The following FBXW11 variants were observed in gnomAD, a reference collection of about 807,000 sequenced individuals.
The protein encoded by FBXW11 is F-box/WD repeat-containing protein 11.
In FBXW11, 19 loss-of-function variants were observed where a neutral mutation model predicts 77.6. The observed-to-expected ratio is 0.24, with a 90% CI of 0.17 to 0.36. The LOEUF is 0.36. Among genes scored for constraint, FBXW11 ranks in the 10% least tolerant of loss-of-function variants. The pLI is 1.00. For synonymous variants in FBXW11, 235 were observed against 249.4 expected, an observed-to-expected ratio of 0.94 and a Z score of 0.54; for missense variants, 334 against 704.2, an observed-to-expected ratio of 0.47 and a Z score of 5.95.
intron 2 of FBXW11, among the ~76,000 whole-genome samples, chr5:171,943,856 T>C (rs1762869476): frequency 6.6e-6 from 1 of 152,220 alleles, no homozygotes; most frequent in South Asian, 2.1e-4. Context: ...AGCATGCTAC[T>C]AAATTATACA....
intron 2 of FBXW11, among the ~76,000 whole-genome samples, chr5:171,953,128 T>C (rs1287644826): frequency 6.6e-6 from 1 of 152,108 alleles, no homozygotes; most frequent in Non-Finnish European, 1.5e-5. Context: ...TGCCACCATG[T>C]CCACCTAATT....
Position 171,876,149 on chromosome 5 carries a change from G to T in FBXW11, c.1221+136C>A. The stretch of plus-strand genomic sequence containing the variant: ...ACAACTCTACAGATATACAGAGTGG[G>T]ATGGCCTCAAGGGTTCATAAGCACA... On this transcript the variant is annotated intron_variant, in intron 9 of 13. Coordinates refer to ENST00000517395, the MANE Select transcript of FBXW11 (RefSeq NM_001378974.1). This position sits in a 1 kb window ranked among gnomAD's most constrained non-coding sequence, Gnocchi z 4.2. 1.0e-6 allele frequency: 1 copy of T among 996,554 alleles called. No homozygotes were observed. The highest frequency in any genetic ancestry group is 1.5e-6 in the Non-Finnish European group (1 of 668,074). 61.7% of individuals were successfully genotyped at this position (996,554 alleles called of 1,614,324 possible).
In FBXW11 at chr5:171,968,788, A is replaced by C. The variant is rs188703663; in HGVS notation, c.46-11090T>G. Among the ~76,000 whole-genome samples, 336 of 152,198 alleles carry C rather than the reference A, an allele frequency of 2.2e-3. 2 individuals carry two copies. The highest frequency in any genetic ancestry group is 8.0e-3 in the African/African-American group (334 of 41,522). On this transcript the variant is annotated intron_variant, in intron 1 of 13. Coordinates refer to ENST00000517395, the MANE Select transcript of FBXW11 (RefSeq NM_001378974.1). ...CCCCTTCCCTAACATCTAAGACACT[A>C]GTGCTGGCTGCATCGCTTCCTGCTC...
At chr5:171,956,854 GAA>G (rs1481047285) in intron 2 of FBXW11, among the ~76,000 whole-genome samples, 1 of 152,190 alleles carries the variant, frequency 6.6e-6, no homozygotes, top group Non-Finnish European at 1.5e-5. Context: ...CAGAGCTTCA[GAA>G]ATAAAGCTAC....
chr5:171,964,946 T>A (rs2113371550), intron 1 of FBXW11, among the ~76,000 whole-genome samples: 1 of 152,316 alleles, frequency 6.6e-6, no homozygotes. Context: ...ATTCTAGAAT[T>A]ATGTTCTTGT....
At chr5:171,895,280 A>T (rs903765237) in intron 6 of FBXW11, among the ~76,000 whole-genome samples, 5 of 152,364 alleles carry the variant, frequency 3.3e-5, no homozygotes, top group African/African-American at 1.2e-4. Context: ...TGATACACAG[A>T]GTATACAGCG....
intron 7 of FBXW11, among the ~76,000 whole-genome samples, chr5:171,883,602 G>A (rs1344755764): frequency 1.3e-5 from 2 of 152,224 alleles, no homozygotes; most frequent in Non-Finnish European, 2.9e-5. Flanking sequence ...CCCACCAGCA[G>A]TGTAGAAGTG....
intron 1 of FBXW11, among the ~76,000 whole-genome samples, chr5:171,981,282 C>CT (rs1191368355): frequency 6.6e-6 from 1 of 152,130 alleles, no homozygotes; most frequent in Non-Finnish European, 1.5e-5. Flanking sequence ...AGACCTTGCC[C>CT]TACATACCTC....
chr5:171,974,739 CAG>C (rs1391379211), intron 1 of FBXW11, among the ~76,000 whole-genome samples: 1 of 152,050 alleles, frequency 6.6e-6, no homozygotes, highest in Non-Finnish European at 1.5e-5. Flanking sequence ...CTTAAAAACA[CAG>C]AGAGAGATAT....
At chr5:171,888,065 C>T (rs993712344) in intron 7 of FBXW11, among the ~76,000 whole-genome samples, 8 of 152,152 alleles carry the variant, frequency 5.3e-5, no homozygotes, top group Admixed American at 4.6e-4. Flanking sequence ...AAAGAAATCC[C>T]TCTAGGCAGA....
At chr5:171,890,239 A>G (rs1429201669) in intron 7 of FBXW11, among the ~76,000 whole-genome samples, 2 of 152,022 alleles carry the variant, frequency 1.3e-5, no homozygotes, top group Non-Finnish European at 2.9e-5. Context: ...AACAAAAGCA[A>G]CTCTCAGGCC....
At chr5:171,873,884 GGATA>G (rs1458582753) in intron 9 of FBXW11, among the ~76,000 whole-genome samples, 9 of 152,002 alleles carry the variant, frequency 5.9e-5, no homozygotes, top group South Asian at 2.1e-4. Flanking sequence ...TAGCTGAATG[GGATA>G]GATAAATAGA....
chr5:171,937,957 T>C (rs1762562914), intron 2 of FBXW11, among the ~76,000 whole-genome samples: 1 of 151,994 alleles, frequency 6.6e-6, no homozygotes, highest in African/African-American at 2.4e-5. Context: ...ATTTGCAGCC[T>C]ATGTCACAAA....
chr5:171,963,996 T>C (rs926403010), intron 1 of FBXW11, among the ~76,000 whole-genome samples: 2 of 152,224 alleles, frequency 1.3e-5, no homozygotes, highest in African/African-American at 4.8e-5. Flanking sequence ...TTCAAATCAC[T>C]GCTACAGACA....
At chr5:171,895,100 C>T (rs1026282689) in intron 6 of FBXW11, among the ~76,000 whole-genome samples, 1 of 152,142 alleles carries the variant, frequency 6.6e-6, no homozygotes, top group African/African-American at 2.4e-5. Flanking sequence ...TACCTTAATG[C>T]CAGCAGCAGG....
intron 6 of FBXW11, among the ~76,000 whole-genome samples, chr5:171,892,710 A>AT (rs989892922): frequency 2.0e-4 from 30 of 152,334 alleles, no homozygotes; most frequent in African/African-American, 7.0e-4. Context: ...GACATAAGTG[A>AT]TTTTTTAAGG....
intron 2 of FBXW11, among the ~76,000 whole-genome samples, chr5:171,956,633 T>TAA (rs1331317743): frequency 6.6e-6 from 1 of 152,184 alleles, no homozygotes; most frequent in African/African-American, 2.4e-5. Context: ...AATAGAAAGA[T>TAA]AAACTTGAGA....
intron 2 of FBXW11, among the ~76,000 whole-genome samples, chr5:171,923,372 T>C: frequency 6.6e-6 from 1 of 152,250 alleles, no homozygotes; most frequent in East Asian, 1.9e-4. Context: ...ATGGTGTCTT[T>C]TGATAAACAG....
rs80298544 is a variant in FBXW11 at position 171,973,098 on chromosome 5, G to T, written c.46-15400C>A. Among the ~76,000 whole-genome samples the T allele has an allele frequency of 3.1e-3, 479 of 152,276 alleles. 8 individuals are homozygous for T. In the East Asian group the frequency reaches 0.06, roughly 19 times the overall value. On this transcript the variant is annotated intron_variant, in intron 1 of 13. Transcript: ENST00000517395. ...CTGTGGCACAGTGGAAAGATCACAG[G>T]TTTGTTTTGGGTTTTATTTCATTCT...
Sources: gnomAD v4.1 joint callset for allele counts (sites outside exome capture counted in the v4.1 genomes callset) on GRCh38, gnomAD v4.1.1 for gene constraint, Gnocchi (gnomAD v3.1) non-coding constraint, MANE v1.5 for transcripts, NCBI Gene and HGNC (gene_info 2026-07-23, HGNC 2026-07-21) for gene names.